LPCAT2: variants seen among roughly 807,000 people sequenced by gnomAD.
LPCAT2 encodes 1-AGP acyltransferase 11.
LPCAT2 carries 58 observed loss-of-function variants against 64.7 expected under a neutral mutation model. That is an observed-to-expected ratio of 0.90 (90% CI 0.73 to 1.12). LPCAT2 has a LOEUF of 1.12. Among genes scored for constraint, LPCAT2 ranks in the 50% most tolerant of loss-of-function variants. The pLI is 0.00. For synonymous variants in LPCAT2, 252 were observed against 245.3 expected (o/e 1.03, Z -0.26); for missense variants, 579 against 669.8 (o/e 0.86, Z 1.50).
chr16:55,576,411 A>G (rs1596890239), intron 12 of LPCAT2, among the ~76,000 whole-genome samples: 1 of 151,952 alleles, frequency 6.6e-6, no homozygotes, highest in Non-Finnish European at 1.5e-5. Context: ...TAGAGTTAGA[A>G]TATTAGTCAA....
intron 1 of LPCAT2, among the ~76,000 whole-genome samples, chr16:55,519,516 AAAAG>A (rs1337730612): frequency 3.3e-5 from 5 of 151,604 alleles, no homozygotes; most frequent in South Asian, 2.1e-4. Flanking sequence ...CACAAAAAAA[AAAAG>A]AAAGAAAGAA....
chr16:55,512,399 G>T (rs1413573333), intron 1 of LPCAT2, among the ~76,000 whole-genome samples: 1 of 152,162 alleles, frequency 6.6e-6, no homozygotes, highest in African/African-American at 2.4e-5. Context: ...TTTGTTTCTT[G>T]AAATAATACT....
intron 1 of LPCAT2, among the ~76,000 whole-genome samples, chr16:55,511,918 C>T (rs1962938141): frequency 6.6e-6 from 1 of 152,080 alleles, no homozygotes. Context: ...AATAATGATA[C>T]CTCTTTGAAG....
intron 13 of LPCAT2, among the ~76,000 whole-genome samples, chr16:55,582,186 T>G (rs1963894028): frequency 6.6e-6 from 1 of 152,182 alleles, no homozygotes. Context: ...CCCATGTAAC[T>G]ACCATTCAAG....
intron 9 of LPCAT2, among the ~76,000 whole-genome samples, chr16:55,547,728 A>G (rs1319198543): frequency 2.6e-5 from 4 of 152,118 alleles, no homozygotes; most frequent in African/African-American, 9.7e-5. Flanking sequence ...ACACTTATTA[A>G]TCAAAGAGCT....
chr16:55,554,940 T>C (rs1263789782), intron 11 of LPCAT2, among the ~76,000 whole-genome samples: 2 of 152,156 alleles, frequency 1.3e-5, no homozygotes, highest in East Asian at 3.9e-4. Context: ...AACACACACA[T>C]TTATCAATTA....
chr16:55,532,682 G>A (rs1963269691), intron 5 of LPCAT2, 142 bp from the exon 6 acceptor site: 1 of 521,032 alleles, frequency 1.9e-6, no homozygotes. Flanking sequence ...AAGCACTAGG[G>A]ATTTACCAAC....
chr16:55,567,028 C>T, intron 11 of LPCAT2: 1 of 1,613,840 alleles, frequency 6.2e-7, no homozygotes, highest in Non-Finnish European at 8.5e-7. Context: ...CTGGCTGGAC[C>T]AGACATGGAG....
Position 55,528,449 on chromosome 16 carries a change from A to G in LPCAT2, c.384A>G (p.Val128=). 6.2e-7 allele frequency: 1 copy of G among 1,614,004 alleles called. No individual in the cohort carries two copies. Among genetic ancestry groups the G allele is most frequent in the East Asian group, 2.2e-5 (1 of 44,860 alleles). ...MFFSMGFIVA[V]KGKIASPLEA... ...TTTCAATGGGATTTATAGTTGCTGT[A>G]AAAGGAAAGATTGCAAGTCCTTTGG... Residue 128 remains valine (V), a synonymous_variant, in exon 3 of 14, where the codon GTA becomes GTG. Transcript: ENST00000262134.
chr16:55,576,587 G>T (rs1169408697), intron 12 of LPCAT2, among the ~76,000 whole-genome samples: 1 of 152,204 alleles, frequency 6.6e-6, no homozygotes, highest in South Asian at 2.1e-4. Context: ...CAGTTAAAAT[G>T]AGCAAACTCC....
intron 1 of LPCAT2, among the ~76,000 whole-genome samples, chr16:55,524,962 C>A (rs552188222): frequency 1.3e-5 from 2 of 152,120 alleles, no homozygotes; most frequent in African/African-American, 4.8e-5. Flanking sequence ...ATTTGCTATT[C>A]TTTTTAATTT....
intron 3 of LPCAT2, among the ~76,000 whole-genome samples, 183 bp downstream of exon 3, chr16:55,528,777 T>C (rs1567393913): frequency 6.6e-6 from 1 of 152,208 alleles, no homozygotes. Flanking sequence ...GATTAGAGAC[T>C]TCCCTTTTAT....
At chr16:55,521,562 G>T (rs1489092196) in intron 1 of LPCAT2, among the ~76,000 whole-genome samples, 1 of 151,670 alleles carries the variant, frequency 6.6e-6, no homozygotes, top group African/African-American at 2.4e-5. Flanking sequence ...CATGATCATA[G>T]CTAAAAGAAC....
chr16:55,553,749 A>C (rs888644812), intron 11 of LPCAT2, among the ~76,000 whole-genome samples: 23 of 152,316 alleles, frequency 1.5e-4, no homozygotes, highest in South Asian at 2.1e-4. Context: ...GCCCAAATCC[A>C]CCAGAAGAAT....
chr16:55,567,477 T>G, intron 11 of LPCAT2: 1 of 1,613,348 alleles, frequency 6.2e-7, no homozygotes, highest in Non-Finnish European at 8.5e-7. Flanking sequence ...TATCAAAGAA[T>G]GGCTGCAGTT....
intron 2 of LPCAT2, 175 bp downstream of exon 2, chr16:55,525,822 A>G (rs1334959468): frequency 7.9e-6 from 3 of 381,988 alleles, no homozygotes; most frequent in South Asian, 1.3e-4. Flanking sequence ...ACTCAATAAT[A>G]AATAATTTAT....
chr16:55,523,505 T>C (rs1355477117), intron 1 of LPCAT2, among the ~76,000 whole-genome samples: 1 of 151,768 alleles, frequency 6.6e-6, no homozygotes, highest in Non-Finnish European at 1.5e-5. Context: ...TGAGGTATAA[T>C]AGCTGAAAAC....
At chr16:55,552,027 A>T (rs1963523363) in intron 11 of LPCAT2, among the ~76,000 whole-genome samples, 1 of 152,340 alleles carries the variant, frequency 6.6e-6, no homozygotes, top group Non-Finnish European at 1.5e-5. Flanking sequence ...GCATGTAACT[A>T]CCACTGCATT....
At chr16:55,557,178 T>C (rs529659761) in intron 11 of LPCAT2, among the ~76,000 whole-genome samples, 1 of 152,330 alleles carries the variant, frequency 6.6e-6, no homozygotes, top group South Asian at 2.1e-4. Context: ...GAAAATAGTC[T>C]GGAGAATTAA....
Sources: allele counts gnomAD v4.1 joint callset (sites outside exome capture counted in the v4.1 genomes callset), GRCh38; gene constraint gnomAD v4.1.1; transcripts MANE v1.5; gene names NCBI Gene and HGNC (gene_info 2026-07-23, HGNC 2026-07-21).